The following GFPT1 variants were observed in gnomAD, a reference collection of about 807,000 sequenced individuals.
GFPT1 encodes the protein glutamine--fructose-6-phosphate transaminase 1.
In GFPT1, 40 loss-of-function variants were observed where a neutral mutation model predicts 92.0. The ratio of observed to expected loss-of-function variants is 0.43; its 90% CI spans 0.34 to 0.57. GFPT1 has a LOEUF of 0.57. GFPT1 is among the 20% of genes least tolerant of loss of function. The probability of loss-of-function intolerance (pLI) is 0.02; values close to 1 mark genes in which losing one functional copy is unlikely to be tolerated. For synonymous variants in GFPT1, 269 were observed against 280.6 expected (o/e 0.96, Z 0.41); for missense variants, 448 against 869.1 (o/e 0.52, Z 6.09).
chr2:69,369,907 C>G, intron 3 of GFPT1, 94 bp downstream of exon 3: 1 of 806,578 alleles, frequency 1.2e-6, no homozygotes, highest in East Asian at 2.5e-5. Flanking sequence ...AAATTGGTCC[C>G]AAAATATGGG....
intron 3 of GFPT1, among the ~76,000 whole-genome samples, chr2:69,364,506 A>T (rs139004751): frequency 2.4e-3 from 361 of 152,380 alleles, no homozygotes; most frequent in Non-Finnish European, 3.4e-3. Context: ...ATGTAAAAAT[A>T]AATTCATTTT....
At chr2:69,365,982 T>G (rs1671601665) in intron 3 of GFPT1, among the ~76,000 whole-genome samples, 1 of 152,044 alleles carries the variant, frequency 6.6e-6, no homozygotes, top group Non-Finnish European at 1.5e-5. Flanking sequence ...CTGGCTAATT[T>G]TTTGTATTTT....
At chr2:69,369,178 C>T (rs930016538) in intron 3 of GFPT1, among the ~76,000 whole-genome samples, 6 of 151,916 alleles carry the variant, frequency 3.9e-5, no homozygotes, top group African/African-American at 9.7e-5. Context: ...CACTACAATA[C>T]AGGCAAAATA....
At chr2:69,326,412 G>GA (rs1670533545) in intron 19 of GFPT1, among the ~76,000 whole-genome samples, 179 bp from the exon 20 acceptor site, 1 of 152,062 alleles carries the variant, frequency 6.6e-6, no homozygotes, top group South Asian at 2.1e-4. Flanking sequence ...AATGTGTCCT[G>GA]AAAAAAACTG....
chr2:69,332,297 G>A (rs942581220), intron 15 of GFPT1, among the ~76,000 whole-genome samples: 8 of 147,376 alleles, frequency 5.4e-5, no homozygotes, highest in Non-Finnish European at 9.0e-5. Context: ...CTTTTTTCTA[G>A]TCTTTCTTTT....
At chr2:69,350,230 G>T in intron 9 of GFPT1, 47 bp from the exon 10 acceptor site, 2 of 1,183,508 alleles carry the variant, frequency 1.7e-6, no homozygotes, top group Non-Finnish European at 2.5e-6. Flanking sequence ...AGAAAATCAT[G>T]TCCAATGTAG....
Position 69,350,006 on chromosome 2 carries a change from A to G in GFPT1, c.845+72T>C, listed in dbSNP as rs897136960. 6.5e-5 allele frequency: 66 copies of G among 1,008,052 alleles called. No individual in the cohort carries two copies. The Admixed American group carries it at 1.2e-3, about 19-fold the overall frequency. The allele number at this position is 1,008,052 out of a possible 1,614,324, so 62.4% of individuals were successfully genotyped here. ...CAGAGCACAACTAGACTGATACACA[A>G]TGACTTCTTGGGTTTCCTGCAGAAT... On this transcript the variant is annotated intron_variant, in intron 10 of 19. Transcript: ENST00000357308.
chr2:69,374,496 G>GTAGAAACGGGGTTTAT (rs1393773143), intron 1 of GFPT1, among the ~76,000 whole-genome samples: 1 of 151,920 alleles, frequency 6.6e-6, no homozygotes, highest in Non-Finnish European at 1.5e-5. Context: ...TGTATATTTA[G>GTAGAAACGGGGTTTAT]TAGAAACGGG....
chr2:69,330,326 C>T (rs894578149), intron 15 of GFPT1, among the ~76,000 whole-genome samples: 1 of 152,134 alleles, frequency 6.6e-6, no homozygotes, highest in African/African-American at 2.4e-5. Context: ...GATACAAAAG[C>T]CAAACACCTT....
intron 7 of GFPT1, among the ~76,000 whole-genome samples, chr2:69,354,846 G>A (rs747908593): frequency 8.6e-5 from 13 of 152,004 alleles, no homozygotes; most frequent in Non-Finnish European, 1.3e-4. Flanking sequence ...GCAAAACCCC[G>A]TCTCCTAATT....
At chr2:69,372,136 G>T (rs1289250598) in intron 2 of GFPT1, among the ~76,000 whole-genome samples, 3 of 149,214 alleles carry the variant, frequency 2.0e-5, no homozygotes, top group Non-Finnish European at 4.4e-5. Flanking sequence ...GGAGGTGGAG[G>T]CTGCAGTGAG....
intron 1 of GFPT1, among the ~76,000 whole-genome samples, chr2:69,384,200 T>C (rs1424619578): frequency 6.6e-6 from 1 of 152,086 alleles, no homozygotes; most frequent in Non-Finnish European, 1.5e-5. Context: ...AATCCTCCAA[T>C]CAAAAAACAA....
chr2:69,325,595 A>G lies in GFPT1; in HGVS notation c.*594T>C, dbSNP rs1433639055. 6.6e-6 allele frequency: 1 copy of G among 152,414 alleles called. No homozygotes were observed. The highest frequency in any genetic ancestry group is 1.5e-5 in the Non-Finnish European group (1 of 68,184). 9.4% of individuals were successfully genotyped at this position (152,414 alleles called of 1,614,324 possible). A position where few individuals can be genotyped will look rare whatever the true frequency, so the allele number is the denominator to read the frequency against. On this transcript the variant is annotated 3_prime_UTR_variant, in exon 20 of 20. Coordinates refer to ENST00000357308, the MANE Select transcript of GFPT1 (RefSeq NM_001244710.2). ...CCTAAATTTCTTCCACCTACAGATA[A>G]TAGACAACAAGTCTGAGAAACTAAG...
In GFPT1 at chr2:69,350,113, T is replaced by C; in HGVS notation, c.810A>G (p.Glu270=). Residue 270 remains glutamate (E), a synonymous_variant, in exon 10 of 20, where the codon GAA becomes GAG. Coordinates refer to ENST00000357308, the MANE Select transcript of GFPT1 (RefSeq NM_001244710.2). ...AAGCAAAGTAATACTCCACTGCTTT[T>C]TCTTCCACCGGGAAAAGGCAGGTTG... ...DSTTCLFPVE[E]KAVEYYFASD... 6.2e-7 allele frequency: 1 copy of C among 1,614,018 alleles called. No individual in the cohort carries two copies. The highest frequency in any genetic ancestry group is 1.1e-5 in the South Asian group (1 of 91,078).
chr2:69,383,924 A>G (rs1173722681), intron 1 of GFPT1, among the ~76,000 whole-genome samples: 1 of 152,162 alleles, frequency 6.6e-6, no homozygotes, highest in Non-Finnish European at 1.5e-5. Flanking sequence ...CACCGCGCCC[A>G]TCCCCAAAAT....
chr2:69,377,659 C>G (rs149600705), intron 1 of GFPT1, among the ~76,000 whole-genome samples: 141 of 151,916 alleles, frequency 9.3e-4, no homozygotes, highest in Non-Finnish European at 1.7e-3. Context: ...GACTCCGTCT[C>G]AAAAAAACAA....
chr2:69,333,089 C>T (rs1275587900), intron 15 of GFPT1, among the ~76,000 whole-genome samples: 4 of 152,136 alleles, frequency 2.6e-5, no homozygotes, highest in African/African-American at 4.8e-5. Context: ...CCTCTGCCTC[C>T]GAGACTAATG....
At chr2:69,345,099 G>A (rs1671052445) in intron 12 of GFPT1, among the ~76,000 whole-genome samples, 1 of 152,100 alleles carries the variant, frequency 6.6e-6, no homozygotes, top group Admixed American at 6.6e-5. Flanking sequence ...TCTGTCTACA[G>A]AGGCAGATAC....
At chr2:69,370,227 T>C (rs1005592304) in intron 2 of GFPT1, 119 bp from the exon 3 acceptor site, 1 of 710,264 alleles carries the variant, frequency 1.4e-6, no homozygotes. Flanking sequence ...CACTAATGTA[T>C]TAATTCAATT....
Sources: allele counts gnomAD v4.1 joint callset (sites outside exome capture counted in the v4.1 genomes callset), GRCh38; gene constraint gnomAD v4.1.1; transcripts MANE v1.5; gene names NCBI Gene and HGNC (gene_info 2026-07-23, HGNC 2026-07-21).